ZFAND3: variants seen among roughly 807,000 people sequenced by gnomAD.
The protein encoded by ZFAND3 is zinc finger AN1-type containing 3.
Under a neutral mutation model 29.6 loss-of-function variants are expected in ZFAND3, and 10 were observed. That is an observed-to-expected ratio of 0.34 (90% CI 0.21 to 0.57). ZFAND3 has a LOEUF of 0.57. ZFAND3 is among the 20% of genes least tolerant of loss of function. ZFAND3 has a pLI of 0.86. For missense variants in ZFAND3, 230 were observed against 304.5 expected, an observed-to-expected ratio of 0.76 and a Z score of 1.82; for synonymous variants, 128 against 112.6, an observed-to-expected ratio of 1.14 and a Z score of -0.87.
At chr6:38,101,769 T>G in intron 4 of ZFAND3, among the ~76,000 whole-genome samples, 1 of 67,318 alleles carries the variant, frequency 1.5e-5, no homozygotes, top group Middle Eastern at 0.015. Flanking sequence ...CGAGACTCCC[T>G]CTCAAAAAAA....
intron 1 of ZFAND3, among the ~76,000 whole-genome samples, chr6:37,836,753 T>C (rs1161289854): frequency 6.6e-6 from 1 of 152,186 alleles, no homozygotes; most frequent in Admixed American, 6.5e-5. Context: ...TTCACTTCTA[T>C]TAACACTTCC....
At chr6:37,843,831 TA>T (rs370695472) in intron 1 of ZFAND3, among the ~76,000 whole-genome samples, 4,231 of 139,764 alleles carry the variant, frequency 0.03, 60 homozygotes, top group Non-Finnish European at 0.04. Flanking sequence ...TTGTAGTTTC[TA>T]AAAAAAAAAA....
intron 2 of ZFAND3, among the ~76,000 whole-genome samples, chr6:38,054,526 T>C (rs896422310): frequency 6.6e-6 from 1 of 151,376 alleles, no homozygotes; most frequent in African/African-American, 2.4e-5. Flanking sequence ...GAGAAAAAAA[T>C]AATAAAAATA....
chr6:38,122,015 T>G (rs988874379), intron 5 of ZFAND3, among the ~76,000 whole-genome samples: 4 of 152,232 alleles, frequency 2.6e-5, no homozygotes, highest in Admixed American at 6.5e-5. Flanking sequence ...CAGCATTTAC[T>G]ATTTGGCACT....
At chr6:37,874,844 G>GTAT (rs1432660422) in intron 1 of ZFAND3, among the ~76,000 whole-genome samples, 1 of 152,136 alleles carries the variant, frequency 6.6e-6, no homozygotes, top group African/African-American at 2.4e-5. Flanking sequence ...CAAAGTGCTG[G>GTAT]TATTACAGGT....
At chr6:37,940,717 G>C (rs1761796425) in intron 2 of ZFAND3, among the ~76,000 whole-genome samples, 1 of 152,184 alleles carries the variant, frequency 6.6e-6, no homozygotes, top group Non-Finnish European at 1.5e-5. Flanking sequence ...GCAAGAAAGA[G>C]AGAGTGACAA....
intron 3 of ZFAND3, among the ~76,000 whole-genome samples, chr6:38,078,700 G>A (rs916688364): frequency 2.6e-5 from 4 of 152,082 alleles, no homozygotes; most frequent in Admixed American, 6.6e-5. Context: ...TACATCTATT[G>A]TCCCAACCTC....
At chr6:38,035,855 G>A (rs1763646910) in intron 2 of ZFAND3, among the ~76,000 whole-genome samples, 1 of 152,194 alleles carries the variant, frequency 6.6e-6, no homozygotes, top group African/African-American at 2.4e-5. Context: ...ATTATTTAAA[G>A]CAAAACATTT....
chr6:37,967,301 G>GGC (rs1382879213), intron 2 of ZFAND3, among the ~76,000 whole-genome samples: 18 of 152,234 alleles, frequency 1.2e-4, no homozygotes, highest in Admixed American at 1.1e-3. Context: ...AATTGTCCTA[G>GGC]ATTTGGCCTG....
At chr6:37,914,734 C>T (rs1761206839) in intron 1 of ZFAND3, among the ~76,000 whole-genome samples, 2 of 136,842 alleles carry the variant, frequency 1.5e-5, no homozygotes, top group South Asian at 2.3e-4. Context: ...ATCTCCTGAC[C>T]TCGTGATCTG....
chr6:37,846,751 G>A (rs1764186669), intron 1 of ZFAND3, among the ~76,000 whole-genome samples: 2 of 146,226 alleles, frequency 1.4e-5, no homozygotes. Flanking sequence ...TCGCTCTGTC[G>A]CCCAGGCTGA....
chr6:37,933,714 C>G (rs533536652), intron 2 of ZFAND3, among the ~76,000 whole-genome samples: 1 of 152,140 alleles, frequency 6.6e-6, no homozygotes, highest in African/African-American at 2.4e-5. Flanking sequence ...GCTAAAGACT[C>G]GAAGCTCAAC....
Position 37,967,043 on chromosome 6 carries a change from A to T in ZFAND3, c.112+37044A>T, listed in dbSNP as rs1167574661. ...TTACAGGGCATACATTTTCAGTTTG[A>T]CTGATGACTAATGATGACCTCTCTA... is the stretch of plus-strand genomic sequence containing the variant. On this transcript the variant is annotated intron_variant, in intron 2 of 5. Coordinates refer to ENST00000287218, the MANE Select transcript of ZFAND3 (RefSeq NM_021943.3). 3.3e-5 allele frequency among the ~76,000 whole-genome samples: 5 copies of T among 152,314 alleles called. No homozygotes were observed. The East Asian group carries it at 9.6e-4, about 29-fold the overall frequency.
intron 1 of ZFAND3, among the ~76,000 whole-genome samples, chr6:37,923,558 T>G (rs957265751): frequency 6.6e-6 from 1 of 152,206 alleles, no homozygotes; most frequent in Non-Finnish European, 1.5e-5. Flanking sequence ...AAAATAATGA[T>G]ATAAAGTATA....
intron 2 of ZFAND3, among the ~76,000 whole-genome samples, chr6:37,984,778 G>A (rs1344470263): frequency 8.5e-5 from 13 of 152,198 alleles, no homozygotes; most frequent in Non-Finnish European, 2.9e-5. Flanking sequence ...GCTAGATCCA[G>A]CTAAGCTGGT....
At chr6:37,987,545 G>A (rs576092209) in intron 2 of ZFAND3, among the ~76,000 whole-genome samples, 2 of 152,228 alleles carry the variant, frequency 1.3e-5, no homozygotes, top group Non-Finnish European at 2.9e-5. Context: ...AGGCATCTCA[G>A]TGAAGTGATT....
chr6:38,106,830 T>C (rs1765220201), intron 4 of ZFAND3, among the ~76,000 whole-genome samples: 1 of 152,198 alleles, frequency 6.6e-6, no homozygotes, highest in African/African-American at 2.4e-5. Flanking sequence ...TATGAAATAA[T>C]GAATGAGATA....
rs547857211 is a variant in ZFAND3 at position 38,106,811 on chromosome 6, G to T, written c.362-9761G>T. On this transcript the variant is annotated intron_variant, in intron 4 of 5. Transcript: ENST00000287218. ...TTCAAAGCCCAATGTCTGTTGCACA[G>T]TAGGCACTTATGAAATAATGAATGA... Among the ~76,000 whole-genome samples, 28 of 152,328 alleles carry T rather than the reference G, an allele frequency of 1.8e-4. 1 individual carries two copies. The highest frequency in any genetic ancestry group is 1.8e-3 in the Admixed American group (27 of 15,296).
At chr6:37,933,778 T>C (rs937894399) in intron 2 of ZFAND3, among the ~76,000 whole-genome samples, 1 of 152,174 alleles carries the variant, frequency 6.6e-6, no homozygotes, top group Non-Finnish European at 1.5e-5. Flanking sequence ...TGTTTGTTTG[T>C]TTTTTAAACT....
Sources: gnomAD v4.1 joint callset for allele counts (sites outside exome capture counted in the v4.1 genomes callset) on GRCh38, gnomAD v4.1.1 for gene constraint, MANE v1.5 for transcripts, NCBI Gene and HGNC (gene_info 2026-07-23, HGNC 2026-07-21) for gene names.